The following JPH2 variants were observed in gnomAD, a reference collection of about 807,000 sequenced individuals.
JPH2 encodes junctophilin 2, also known as junctophilin-2.
A neutral mutation model predicts 55.9 loss-of-function variants in JPH2; 38 were observed. That is an observed-to-expected ratio of 0.68 (90% CI 0.52 to 0.89). The LOEUF is 0.89. Ranked by LOEUF, JPH2 falls within the 40% of genes least tolerant of loss-of-function variation. The pLI is 0.00. For synonymous variants in JPH2, 480 were observed against 472.4 expected (o/e 1.02, Z -0.21); for missense variants, 964 against 1,037.6 (o/e 0.93, Z 0.97).
At chr20:44,121,588 C>T (rs1349363706) in intron 2 of JPH2, among the ~76,000 whole-genome samples, 2 of 109,256 alleles carry the variant, frequency 1.8e-5, no homozygotes, top group Non-Finnish European at 3.7e-5. Context: ...TTAGTATATG[C>T]CAAGGGCTTT....
In JPH2 at chr20:44,187,125, C is replaced by A. The variant is rs1341649925; in HGVS notation, c.-420G>T. 2 of 187,804 alleles carry A rather than the reference C, an allele frequency of 1.1e-5. No individual in the cohort carries two copies. Among genetic ancestry groups the A allele is most frequent in the South Asian group, 2.3e-4 (2 of 8,720 alleles). The allele number at this position is 187,804 out of a possible 1,614,324, so 11.6% of individuals were successfully genotyped here. The stretch of plus-strand genomic sequence containing the variant: ...AATTCCCCTCGGTGGCAGCCCCCGC[C>A]GGAGGCTGAATTCCCGCAGCCCGCT... On this transcript the variant is annotated 5_prime_UTR_variant, in exon 1 of 6. Transcript: ENST00000372980.
In JPH2 at chr20:44,132,568, C is replaced by T. The variant is rs577949374; in HGVS notation, c.1170-13945G>A. 7.2e-5 allele frequency among the ~76,000 whole-genome samples: 11 copies of T among 151,794 alleles called. No individual in the cohort carries two copies. In the South Asian group the frequency reaches 1.9e-3, roughly 26 times the overall value. ...TCAATTCAGGGCCCAAGCACGAGGC[C>T]GGAGAGGGCTGGGTATCTATTCCAC... On this transcript the variant is annotated intron_variant, in intron 2 of 5. Transcript: ENST00000372980.
At chr20:44,124,126 A>G (rs1206065953) in intron 2 of JPH2, among the ~76,000 whole-genome samples, 5 of 152,160 alleles carry the variant, frequency 3.3e-5, no homozygotes, top group Admixed American at 2.0e-4. Flanking sequence ...AGGGTTAAAA[A>G]TAAGGCTGGT....
chr20:44,186,202 A>T, intron 1 of JPH2, 125 bp downstream of exon 1: 1 of 1,123,354 alleles, frequency 8.9e-7, no homozygotes, highest in Non-Finnish European at 1.3e-6. Context: ...CCAAAACCAC[A>T]CAGCAAATCA....
chr20:44,143,528 C>T (rs554492797), intron 2 of JPH2, among the ~76,000 whole-genome samples: 2 of 152,348 alleles, frequency 1.3e-5, no homozygotes, highest in African/African-American at 4.8e-5. Context: ...GACAATGCTG[C>T]AGATACTGAG....
chr20:44,134,806 AATAT>A (rs1212786510), intron 2 of JPH2, among the ~76,000 whole-genome samples: 5 of 60,720 alleles, frequency 8.2e-5, no homozygotes, highest in Admixed American at 1.8e-4. Context: ...ATTTATTATA[AATAT>A]ATATAAATAT....
intron 1 of JPH2, among the ~76,000 whole-genome samples, chr20:44,185,061 C>T (rs1343701082): frequency 6.6e-6 from 1 of 152,162 alleles, no homozygotes; most frequent in African/African-American, 2.4e-5. Flanking sequence ...CAGGCGTGAG[C>T]CACGGAGTCC....
chr20:44,115,164 T>C (rs1465891125), intron 4 of JPH2, among the ~76,000 whole-genome samples: 1 of 152,138 alleles, frequency 6.6e-6, no homozygotes, highest in Non-Finnish European at 1.5e-5. Context: ...TAATTCCCCT[T>C]GGGACGCATT....
At chr20:44,151,943 A>G (rs1457287810) in intron 2 of JPH2, among the ~76,000 whole-genome samples, 1 of 151,958 alleles carries the variant, frequency 6.6e-6, no homozygotes, top group Non-Finnish European at 1.5e-5. Flanking sequence ...CAGACTCCCA[A>G]CCAGAGGTGG....
chr20:44,119,541 T>C lies in JPH2; in HGVS notation c.1170-918A>G, dbSNP rs1245212343. ...AATGGCTCCTTACTACCCCAGAGAA[T>C]TGTAGCCCATAGAAGCCACCTTGTT... On this transcript the variant is annotated intron_variant, in intron 2 of 5. Coordinates refer to ENST00000372980, the MANE Select transcript of JPH2 (RefSeq NM_020433.5). Among the ~76,000 whole-genome samples, 4 of 152,136 alleles carry C rather than the reference T, an allele frequency of 2.6e-5. No individual in the cohort carries two copies. In the East Asian group the frequency reaches 5.8e-4, roughly 22 times the overall value.
At position 44,115,739 on chromosome 20, in the gene JPH2, T is replaced by A. The variant is rs747762930; in HGVS notation, c.1936A>T (p.Thr646Ser). 17 of 1,613,376 alleles carry A rather than the reference T, an allele frequency of 1.1e-5. No individual in the cohort carries two copies. The South Asian group carries it at 1.9e-4, about 18-fold the overall frequency. Residue 646 changes from threonine to serine, a missense_variant, in exon 4 of 6, where the codon ACC becomes TCC. Transcript: ENST00000372980. ...KARKTEARGLTKAGAKKKARK... is the reference protein window; with the variant it reads ...KARKTEARGLSKAGAKKKARK... The stretch of plus-strand genomic sequence containing the variant: ...GCCTTCTTCTTGGCCCCCGCCTTGG[T>A]CAGCCCTCGAGCCTCAGTCTTGCGG...
intron 1 of JPH2, among the ~76,000 whole-genome samples, chr20:44,172,255 A>T (rs890659357): frequency 2.6e-5 from 4 of 152,002 alleles, no homozygotes; most frequent in Admixed American, 2.0e-4. Context: ...ATGGCTGATC[A>T]CCCTAAATTG....
intron 2 of JPH2, among the ~76,000 whole-genome samples, chr20:44,140,997 T>C (rs975263423): frequency 6.6e-6 from 1 of 152,270 alleles, no homozygotes; most frequent in Admixed American, 6.5e-5. Flanking sequence ...TTTGTGCCTC[T>C]GTCTCTCCAT....
chr20:44,141,086 G>A lies in JPH2; in HGVS notation c.1169+18532C>T, dbSNP rs925903217. Among the ~76,000 whole-genome samples the A allele has an allele frequency of 3.9e-5, 6 of 152,248 alleles. No individual in the cohort carries two copies. The East Asian group carries it at 5.8e-4, about 15-fold the overall frequency. Reference sequence around the variant, plus strand: ...GAGATGTGGTGACCAGGGAAGACTCGGGATATTAAGGTCACAGTCTTCAAA... The same window carrying A: ...GAGATGTGGTGACCAGGGAAGACTCAGGATATTAAGGTCACAGTCTTCAAA... On this transcript the variant is annotated intron_variant, in intron 2 of 5. Transcript: ENST00000372980.
rs1371282079 is a variant in JPH2, at chr20:44,152,104, G to A, written c.1169+7514C>T. The stretch of plus-strand genomic sequence containing the variant: ...CTCAACGTGGGGGTCTCCAGAGGAC[G>A]CTGCCCACACTGATTCACCACTGGG... On this transcript the variant is annotated intron_variant, in intron 2 of 5. Coordinates refer to ENST00000372980, the MANE Select transcript of JPH2 (RefSeq NM_020433.5). 5.3e-5 allele frequency among the ~76,000 whole-genome samples: 8 copies of A among 152,222 alleles called. No individual in the cohort carries two copies. The South Asian group carries it at 1.0e-3, about 20-fold the overall frequency.
chr20:44,180,145 G>A (rs1172959449), intron 1 of JPH2, among the ~76,000 whole-genome samples: 1 of 152,190 alleles, frequency 6.6e-6, no homozygotes, highest in Non-Finnish European at 1.5e-5. Flanking sequence ...TTGAATCCAG[G>A]AGGCAGAGGT....
At chr20:44,162,765 TATATATATATATATATATATATACAC>T (rs796326044) in intron 1 of JPH2, among the ~76,000 whole-genome samples, 1,733 of 76,210 alleles carry the variant, frequency 0.023, 71 homozygotes, top group South Asian at 0.085. Flanking sequence ...TATATATATA[TATATATATATATATATATATATACAC>T]ACACACACAC....
rs75563366 is a variant in JPH2 at position 44,107,597 on chromosome 20, T to G, written c.*5921A>C. Among the ~76,000 whole-genome samples, 1,191 of 152,298 alleles carry G rather than the reference T, an allele frequency of 7.8e-3. 15 individuals carry two copies. The highest frequency in any genetic ancestry group is 0.028 in the African/African-American group (1,162 of 41,558). ...TGTAGAACCACAGATGGAAAAAACCTGGGTCCCTGAATCATTATGATGAGG... is the reference window on the plus strand; with the variant it reads ...TGTAGAACCACAGATGGAAAAAACCGGGGTCCCTGAATCATTATGATGAGG... On this transcript the variant is annotated 3_prime_UTR_variant, in exon 6 of 6. Coordinates refer to ENST00000372980, the MANE Select transcript of JPH2 (RefSeq NM_020433.5).
At chr20:44,143,464 C>T (rs1324784123) in intron 2 of JPH2, among the ~76,000 whole-genome samples, 1 of 152,212 alleles carries the variant, frequency 6.6e-6, no homozygotes, top group Non-Finnish European at 1.5e-5. Context: ...CCCTCTGCCG[C>T]TTGGGAAACT....
Sources: gnomAD v4.1 joint callset for allele counts (sites outside exome capture counted in the v4.1 genomes callset) on GRCh38, gnomAD v4.1.1 for gene constraint, MANE v1.5 for transcripts, NCBI Gene and HGNC (gene_info 2026-07-23, HGNC 2026-07-21) for gene names.